ASIC2: variants seen among roughly 807,000 people sequenced by gnomAD.
The protein encoded by ASIC2 is acid sensing ion channel subunit 2.
In ASIC2, 25 loss-of-function variants were observed where a neutral mutation model predicts 57.3. The ratio of observed to expected loss-of-function variants is 0.44; its 90% confidence interval spans 0.32 to 0.61. The LOEUF (loss-of-function observed/expected upper bound fraction) is 0.61. Among genes scored for constraint, ASIC2 ranks in the 20% least tolerant of loss-of-function variants. The probability of loss-of-function intolerance (pLI) is 0.06; values close to 1 mark genes in which losing one functional copy is unlikely to be tolerated. For synonymous variants in ASIC2, 319 were observed against 307.5 expected (o/e 1.04, Z -0.39); for missense variants, 641 against 738.1 (o/e 0.87, Z 1.52).
At chr17:33,343,095 C>T (rs979737864) in intron 1 of ASIC2, among the ~76,000 whole-genome samples, 8 of 152,218 alleles carry the variant, frequency 5.3e-5, no homozygotes, top group South Asian at 2.1e-4. Flanking sequence ...GAGCAATCCT[C>T]ATTCCAAATT....
chr17:33,615,485 T>C (rs1905572534), intron 1 of ASIC2, among the ~76,000 whole-genome samples: 1 of 152,236 alleles, frequency 6.6e-6, no homozygotes, highest in South Asian at 2.1e-4. Flanking sequence ...AAGATATTTA[T>C]GTGATAGACC....
intron 1 of ASIC2, among the ~76,000 whole-genome samples, chr17:34,094,723 C>T (rs1202526200): frequency 6.6e-6 from 1 of 152,138 alleles, no homozygotes; most frequent in African/African-American, 2.4e-5. Flanking sequence ...CCACTGAATC[C>T]CCTTTATCTA....
intron 1 of ASIC2, among the ~76,000 whole-genome samples, chr17:33,946,350 T>A (rs1364667580): frequency 1.3e-5 from 2 of 152,168 alleles, no homozygotes; most frequent in Non-Finnish European, 2.9e-5. Flanking sequence ...GAAATCACAG[T>A]GCCCTCTGCT....
chr17:33,859,623 A>G (rs1332219517), intron 1 of ASIC2, among the ~76,000 whole-genome samples: 1 of 152,172 alleles, frequency 6.6e-6, no homozygotes, highest in Non-Finnish European at 1.5e-5. Flanking sequence ...GAATTCAACA[A>G]AAGCGCTGGA....
chr17:33,344,234 A>G (rs1030320582), intron 1 of ASIC2, among the ~76,000 whole-genome samples: 1 of 152,208 alleles, frequency 6.6e-6, no homozygotes, highest in East Asian at 1.9e-4. Flanking sequence ...AATGACCCCC[A>G]GGACTGGTTG....
chr17:33,161,358 G>T (rs543051791), intron 1 of ASIC2, among the ~76,000 whole-genome samples: 3 of 152,222 alleles, frequency 2.0e-5, no homozygotes, highest in African/African-American at 7.2e-5. Flanking sequence ...GCCTTTGCAC[G>T]TGCTGCTCTT....
At chr17:33,943,621 T>G (rs1916240687) in intron 1 of ASIC2, among the ~76,000 whole-genome samples, 1 of 150,956 alleles carries the variant, frequency 6.6e-6, no homozygotes, top group Admixed American at 6.6e-5. Flanking sequence ...TCCATTTACA[T>G]TGACTTTCTT....
At chr17:33,364,526 G>T (rs1356172285) in intron 1 of ASIC2, among the ~76,000 whole-genome samples, 1 of 152,112 alleles carries the variant, frequency 6.6e-6, no homozygotes, top group African/African-American at 2.4e-5. Context: ...CCCCCTTGCT[G>T]TTCTCGTGAT....
chr17:33,926,385 T>A (rs1167833830), intron 1 of ASIC2, among the ~76,000 whole-genome samples: 1 of 152,226 alleles, frequency 6.6e-6, no homozygotes, highest in African/African-American at 2.4e-5. Flanking sequence ...TATTTGCATA[T>A]AGATAATGAG....
chr17:33,072,656 G>A (rs777440204), intron 3 of ASIC2, among the ~76,000 whole-genome samples: 4 of 152,162 alleles, frequency 2.6e-5, no homozygotes, highest in African/African-American at 4.8e-5. Context: ...GCCATTTGAC[G>A]GGGAGAGAGT....
intron 1 of ASIC2, among the ~76,000 whole-genome samples, chr17:33,623,253 T>G (rs1905862863): frequency 6.7e-6 from 1 of 149,558 alleles, no homozygotes; most frequent in African/African-American, 2.4e-5. Context: ...TTTGTTTGTT[T>G]GTTTGTTTGT....
At chr17:33,747,858 C>A (rs1910314243) in intron 1 of ASIC2, among the ~76,000 whole-genome samples, 1 of 152,200 alleles carries the variant, frequency 6.6e-6, no homozygotes, top group South Asian at 2.1e-4. Context: ...ACAGGCGGGC[C>A]TCACCTCAAC....
At chr17:33,393,167 A>G (rs2141953985) in intron 1 of ASIC2, among the ~76,000 whole-genome samples, 1 of 152,192 alleles carries the variant, frequency 6.6e-6, no homozygotes, top group Middle Eastern at 3.4e-3. Flanking sequence ...TGCCTGCTCA[A>G]TGGCTCCCTG....
chr17:34,140,307 A>G (rs1191871850), intron 1 of ASIC2, among the ~76,000 whole-genome samples: 2 of 152,170 alleles, frequency 1.3e-5, no homozygotes, highest in Non-Finnish European at 2.9e-5. Context: ...TGGAAGGAGG[A>G]AAAGCCAGAG....
At chr17:34,115,873 G>GA (rs1488346050) in intron 1 of ASIC2, among the ~76,000 whole-genome samples, 1 of 152,190 alleles carries the variant, frequency 6.6e-6, no homozygotes, top group African/African-American at 2.4e-5. Flanking sequence ...CTACATAAGT[G>GA]AAAATGTGTT....
intron 1 of ASIC2, chr17:34,039,547 C>T (rs1427180738): frequency 4.3e-6 from 7 of 1,613,894 alleles, no homozygotes; most frequent in Admixed American, 3.3e-5. Context: ...CAGTGAGGAT[C>T]GTGCAACTGG....
chr17:33,516,588 T>G (rs1914579318), intron 1 of ASIC2, among the ~76,000 whole-genome samples: 2 of 152,170 alleles, frequency 1.3e-5, no homozygotes, highest in African/African-American at 4.8e-5. Context: ...ACATTGGGAA[T>G]TTTATTAGTG....
At chr17:33,296,440 G>T (rs947381319), upstream of ASIC2, among the ~76,000 whole-genome samples, 4 of 152,112 alleles carry the variant, frequency 2.6e-5, no homozygotes, top group Admixed American at 1.3e-4. Flanking sequence ...GACTCCCTTG[G>T]CCAGAAAAAC....
intron 1 of ASIC2, among the ~76,000 whole-genome samples, chr17:34,153,424 T>C (rs1904599728): frequency 6.6e-6 from 1 of 152,204 alleles, no homozygotes; most frequent in African/African-American, 2.4e-5. Context: ...AACAACCACC[T>C]GTCCAGGCTC....
Sources: allele counts gnomAD v4.1 joint callset (sites outside exome capture counted in the v4.1 genomes callset), GRCh38; gene constraint gnomAD v4.1.1; transcripts MANE v1.5; gene names NCBI Gene and HGNC (gene_info 2026-07-23, HGNC 2026-07-21).